The following CPSF6 variants were observed in gnomAD, a reference collection of about 807,000 sequenced individuals.
CPSF6 encodes cleavage and polyadenylation specificity factor subunit 6.
In CPSF6, 10 loss-of-function variants were observed where a neutral mutation model predicts 56.7. The ratio of observed to expected loss-of-function variants is 0.18; its 90% CI spans 0.11 to 0.30. The LOEUF (loss-of-function observed/expected upper bound fraction) is 0.30, where lower values mean the gene tolerates loss of function less well. Among genes scored for constraint, CPSF6 ranks in the 10% least tolerant of loss-of-function variants. The probability of loss-of-function intolerance (pLI) is 1.00; values close to 1 mark genes in which losing one functional copy is unlikely to be tolerated. For missense variants in CPSF6, 419 were observed against 722.9 expected, an observed-to-expected ratio of 0.58 and a Z score of 4.82; for synonymous variants, 248 against 244.8, an observed-to-expected ratio of 1.01 and a Z score of -0.12.
intron 3 of CPSF6, among the ~76,000 whole-genome samples, chr12:69,253,729 T>C (rs948952528): frequency 2.6e-5 from 4 of 152,142 alleles, no homozygotes; most frequent in Non-Finnish European, 5.9e-5. Context: ...GTTTTATATG[T>C]TTGATATAAG....
At chr12:69,244,289 G>T (rs1447722243) in intron 1 of CPSF6, among the ~76,000 whole-genome samples, 8 of 152,088 alleles carry the variant, frequency 5.3e-5, no homozygotes. Context: ...AGGCTGAAGT[G>T]CAGTGGCGCG....
Position 69,262,573 on chromosome 12 carries a change from C to G in CPSF6, c.*3+11C>G, listed in dbSNP as rs778710700. On this transcript the variant is annotated intron_variant, in intron 9 of 9. Coordinates refer to ENST00000435070, the MANE Select transcript of CPSF6 (RefSeq NM_007007.3). ...CGTCATCGTTAGAAGGTGGGTATTC[C>G]TTGTTCCCTGTTAAATGTGTGTGTA... 6.2e-7 allele frequency: 1 copy of G among 1,601,816 alleles called. No homozygotes were observed. Among genetic ancestry groups the G allele is most frequent in the Non-Finnish European group, 8.5e-7 (1 of 1,173,288 alleles).
rs1488990149 is a variant in CPSF6, at chr12:69,262,308, A to G, written c.1470-65A>G. The G allele has an allele frequency of 2.6e-5, 38 of 1,438,688 alleles. No homozygotes were observed. In the East Asian group the frequency reaches 8.3e-4, roughly 31 times the overall value. The allele number at this position is 1,438,688 out of a possible 1,614,324, so 89.1% of individuals were successfully genotyped here. A position where few individuals can be genotyped will look rare whatever the true frequency, so the allele number is the denominator to read the frequency against. Reference sequence around the variant, plus strand: ...GCTGCCTAAGTTTTTTTAGACATCAAAAAATTGAATATTTTTAGGCTATCT... The same window carrying G: ...GCTGCCTAAGTTTTTTTAGACATCAGAAAATTGAATATTTTTAGGCTATCT... On this transcript the variant is annotated intron_variant, in intron 8 of 9. Coordinates refer to ENST00000435070, the MANE Select transcript of CPSF6 (RefSeq NM_007007.3).
chr12:69,259,161 G>C, intron 6 of CPSF6, 67 bp downstream of exon 6: 1 of 1,476,984 alleles, frequency 6.8e-7, no homozygotes, highest in African/African-American at 1.4e-5. Flanking sequence ...GTAAATATTA[G>C]ATTGTAGGTA....
chr12:69,246,159 T>C (rs1565642827), intron 1 of CPSF6, among the ~76,000 whole-genome samples: 1 of 152,198 alleles, frequency 6.6e-6, no homozygotes, highest in African/African-American at 2.4e-5. Context: ...AAGAATTCAC[T>C]TAGGAGTTAC....
At chr12:69,255,847 T>C (rs1461032385) in intron 3 of CPSF6, among the ~76,000 whole-genome samples, 1 of 152,198 alleles carries the variant, frequency 6.6e-6, no homozygotes, top group African/African-American at 2.4e-5. Context: ...TCTCCACATC[T>C]TTAATACTTG....
At chr12:69,267,846 T>G (rs1306562284) in intron 9 of CPSF6, among the ~76,000 whole-genome samples, 1 of 151,846 alleles carries the variant, frequency 6.6e-6, no homozygotes, top group East Asian at 1.9e-4. Context: ...GGAAAAGATG[T>G]GTGTTGCAAT....
In CPSF6 at chr12:69,259,536, C is replaced by T; in HGVS notation, c.1308C>T (p.Ala436=). The change falls in exon 7 of 10, where the codon GCC becomes GCT. Residue 436 remains alanine (A), a synonymous_variant. Coordinates refer to ENST00000435070, the MANE Select transcript of CPSF6 (RefSeq NM_007007.3). ...CTATTTCGAGAGCTGTGTCTGATGC[C>T]AGTGCTGGTTTGTGTATTTCTTGTA... is the stretch of plus-strand genomic sequence containing the variant. ...SSAISRAVSD[A]SAGDYGSAIE... is the part of the protein sequence containing the mutation. 3 of 1,610,378 alleles carry T rather than the reference C, an allele frequency of 1.9e-6. No individual in the cohort carries two copies. The highest frequency in any genetic ancestry group is 2.7e-5 in the African/African-American group (2 of 74,828).
At position 69,255,870 on chromosome 12, in the gene CPSF6, T is replaced by C. The variant is rs557832233; in HGVS notation, c.375-827T>C. The stretch of plus-strand genomic sequence containing the variant: ...TCTTTAATACTTGTCTTTTTGATTA[T>C]AGCCACCCTAGTGGGTATGGGGTGG... On this transcript the variant is annotated intron_variant, in intron 3 of 9. Transcript: ENST00000435070. Among the ~76,000 whole-genome samples the C allele has an allele frequency of 5.9e-5, 9 of 152,310 alleles. No individual in the cohort carries two copies. In the South Asian group the frequency reaches 8.3e-4, roughly 14 times the overall value.
rs745917995 is a variant in CPSF6, at chr12:69,239,613, C to CGGG, written c.-32_-31insGGG. The CGGG allele has an allele frequency of 7.5e-7, 1 of 1,325,962 alleles. No homozygotes were observed. Among genetic ancestry groups the CGGG allele is most frequent in the African/African-American group, 1.5e-5 (1 of 64,958 alleles). 82.1% of individuals were successfully genotyped at this position (1,325,962 alleles called of 1,614,324 possible). Reference sequence around the variant, plus strand: ...CCGCGGCGGGCAGACCTGCAGGAGGCGGCGGCGGCGGCGGCGGCCGAGGCT... The same window carrying CGGG: ...CCGCGGCGGGCAGACCTGCAGGAGGCGGGGGCGGCGGCGGCGGCGGCCGAGGCT... On this transcript the variant is annotated 5_prime_UTR_variant, in exon 1 of 10. Coordinates refer to ENST00000435070, the MANE Select transcript of CPSF6 (RefSeq NM_007007.3).
rs1190453969 is a variant in CPSF6 at position 69,264,828 on chromosome 12, A to G, written c.*3+2266A>G. ...AAAGCTATCTGCAAATTTGATCACC[A>G]TCATAATAAGGTCTGTTGACCTTTT... On this transcript the variant is annotated intron_variant, in intron 9 of 9. Coordinates refer to ENST00000435070, the MANE Select transcript of CPSF6 (RefSeq NM_007007.3). Among the ~76,000 whole-genome samples, 9 of 152,302 alleles carry G rather than the reference A, an allele frequency of 5.9e-5. No individual in the cohort carries two copies. The East Asian group carries it at 1.2e-3, about 20-fold the overall frequency.
Position 69,270,620 on chromosome 12 carries a change from A to G in CPSF6, c.*1112A>G, listed in dbSNP as rs189992636. ...TCGGTTGTATTCCCCAGTATTTGTA[A>G]TGGGAAATTACAGATAAACCGTGTC... is the stretch of plus-strand genomic sequence containing the variant. On this transcript the variant is annotated 3_prime_UTR_variant, in exon 10 of 10. Transcript: ENST00000435070. 161 of 151,830 alleles carry G rather than the reference A, an allele frequency of 1.1e-3. No homozygotes were observed. The highest frequency in any genetic ancestry group is 3.8e-3 in the African/African-American group (157 of 41,532). The allele number at this position is 151,830 out of a possible 1,614,324, so 9.4% of individuals were successfully genotyped here. A position where few individuals can be genotyped will look rare whatever the true frequency, so the allele number is the denominator to read the frequency against.
Position 69,266,626 on chromosome 12 carries a change from A to T in CPSF6, c.*4-2886A>T, listed in dbSNP as rs1174129977. ...TAACGTTGTTTAAAGAAACCTAATA[A>T]CCAAAAAGGGGTAAGGGTGCCATTT... On this transcript the variant is annotated intron_variant, in intron 9 of 9. Coordinates refer to ENST00000435070, the MANE Select transcript of CPSF6 (RefSeq NM_007007.3). 2.0e-5 allele frequency among the ~76,000 whole-genome samples: 3 copies of T among 152,184 alleles called. No homozygotes were observed. The East Asian group carries it at 5.8e-4, about 29-fold the overall frequency.
At chr12:69,259,903 C>G in intron 7 of CPSF6, 141 bp from the exon 8 acceptor site, 2 of 825,550 alleles carry the variant, frequency 2.4e-6, no homozygotes, top group Non-Finnish European at 3.7e-6. Context: ...TGGTGAAACA[C>G]TGAAAGAAGA....
intron 9 of CPSF6, among the ~76,000 whole-genome samples, chr12:69,265,272 A>G (rs553888007): frequency 6.6e-5 from 10 of 152,304 alleles, no homozygotes; most frequent in African/African-American, 2.4e-4. Context: ...CTCTATTCTC[A>G]GACCACTCTG....
intron 3 of CPSF6, 30 bp downstream of exon 3, chr12:69,253,184 T>G (rs1872332627): frequency 8.9e-7 from 1 of 1,124,262 alleles, no homozygotes; most frequent in African/African-American, 1.6e-5. Flanking sequence ...CTTTTTGATT[T>G]AGTAGCTAGT....
rs931981524 is a variant in CPSF6 at position 69,274,347 on chromosome 12, C to T, written c.*4839C>T. On this transcript the variant is annotated 3_prime_UTR_variant, in exon 10 of 10. Coordinates refer to ENST00000435070, the MANE Select transcript of CPSF6 (RefSeq NM_007007.3). ...TATCTTGTATTGAAAATAAAACAAA[C>T]TTTTGATAAGACTTTGCAGTTTGTC... is the stretch of plus-strand genomic sequence containing the variant. The T allele has an allele frequency of 2.0e-5, 3 of 151,856 alleles. No homozygotes were observed. The highest frequency in any genetic ancestry group is 7.2e-5 in the African/African-American group (3 of 41,394). 9.4% of individuals were successfully genotyped at this position (151,856 alleles called of 1,614,324 possible).
chr12:69,253,101 T>C lies in CPSF6; in HGVS notation c.321T>C (p.Asn107=). The C allele has an allele frequency of 6.3e-7, 1 of 1,597,208 alleles. No individual in the cohort carries two copies. Among genetic ancestry groups the C allele is most frequent in the Non-Finnish European group, 8.5e-7 (1 of 1,172,308 alleles). ...AAGCAGTTCATTCTTTGGGAGTAAATGATATTTTGGAGATAAAATTTTTTG... is the reference window on the plus strand; with the variant it reads ...AAGCAGTTCATTCTTTGGGAGTAAACGATATTTTGGAGATAAAATTTTTTG... ...LTEAVHSLGV[N]DILEIKFFEN... Residue 107 remains asparagine (N), a synonymous_variant, in exon 3 of 10, where the codon AAT becomes AAC. Transcript: ENST00000435070.
intron 8 of CPSF6, among the ~76,000 whole-genome samples, chr12:69,260,455 A>G (rs538612641): frequency 2.0e-5 from 3 of 151,898 alleles, no homozygotes; most frequent in Non-Finnish European, 2.9e-5. Context: ...CTCATTTTGT[A>G]CCTCTCCCCT....
Sources: allele counts gnomAD v4.1 joint callset (sites outside exome capture counted in the v4.1 genomes callset), GRCh38; gene constraint gnomAD v4.1.1; transcripts MANE v1.5; gene names NCBI Gene and HGNC (gene_info 2026-07-23, HGNC 2026-07-21).